HMBOX1: variants seen among roughly 807,000 people sequenced by gnomAD.
The protein encoded by HMBOX1 is homeobox-containing protein 1.
A neutral mutation model predicts 54.5 loss-of-function variants in HMBOX1; 14 were observed. The observed-to-expected ratio is 0.26, with a 90% CI of 0.17 to 0.40. The LOEUF is 0.40. Ranked by LOEUF, HMBOX1 falls within the 10% of genes least tolerant of loss-of-function variation. The probability of loss-of-function intolerance (pLI) is 1.00; values close to 1 mark genes in which losing one functional copy is unlikely to be tolerated. For missense variants in HMBOX1, 332 were observed against 514.4 expected, an observed-to-expected ratio of 0.65 and a Z score of 3.43; for synonymous variants, 160 against 181.0, an observed-to-expected ratio of 0.88 and a Z score of 0.93.
chr8:28,988,233 CGTGA>C (rs1830441732), intron 4 of HMBOX1, among the ~76,000 whole-genome samples: 1 of 152,146 alleles, frequency 6.6e-6, no homozygotes, highest in South Asian at 2.1e-4. Flanking sequence ...TTTTAAGATT[CGTGA>C]GTGTTGTTAC....
intron 4 of HMBOX1, among the ~76,000 whole-genome samples, chr8:28,983,721 G>A (rs1180903923): frequency 6.6e-6 from 1 of 152,166 alleles, no homozygotes; most frequent in Non-Finnish European, 1.5e-5. Flanking sequence ...GTGAAAATTT[G>A]TCCAGTGTGA....
At chr8:28,958,309 A>T (rs1216330167) in intron 1 of HMBOX1, among the ~76,000 whole-genome samples, 3 of 152,116 alleles carry the variant, frequency 2.0e-5, no homozygotes, top group South Asian at 4.1e-4. Flanking sequence ...AGTTTTCTAG[A>T]CATTGTATTG....
chr8:28,961,002 G>A (rs1291433945), intron 1 of HMBOX1, among the ~76,000 whole-genome samples: 1 of 151,500 alleles, frequency 6.6e-6, no homozygotes, highest in African/African-American at 2.4e-5. Flanking sequence ...GGCCAGGATG[G>A]TCTCGATCTC....
At chr8:28,982,405 G>C (rs2323134) in intron 4 of HMBOX1, among the ~76,000 whole-genome samples, 101,531 of 151,860 alleles carry the variant, frequency 0.67, 34,093 homozygotes, top group East Asian at 0.75. Context: ...TAATGGTCAT[G>C]ATGATGCCAT....
chr8:28,993,314 G>T (rs561118855), intron 4 of HMBOX1, among the ~76,000 whole-genome samples: 4 of 152,094 alleles, frequency 2.6e-5, no homozygotes, highest in African/African-American at 7.2e-5. Flanking sequence ...ACATACTCTT[G>T]TATGAGTAGG....
At chr8:29,037,520 A>T in intron 6 of HMBOX1, among the ~76,000 whole-genome samples, 1 of 152,184 alleles carries the variant, frequency 6.6e-6, no homozygotes, top group South Asian at 2.1e-4. Context: ...TACCATCCAA[A>T]GATAGTAATT....
At chr8:28,905,496 G>A (rs1321759057) in intron 1 of HMBOX1, among the ~76,000 whole-genome samples, 1 of 152,236 alleles carries the variant, frequency 6.6e-6, no homozygotes, top group Non-Finnish European at 1.5e-5. Flanking sequence ...GGACAGTGAT[G>A]ATGCCAGTTA....
intron 3 of HMBOX1, among the ~76,000 whole-genome samples, chr8:28,975,544 G>T (rs1360726457): frequency 6.6e-6 from 1 of 152,172 alleles, no homozygotes; most frequent in Non-Finnish European, 1.5e-5. Flanking sequence ...TTTCATCCTG[G>T]TGTGGAAATC....
At chr8:29,045,799 A>G (rs1308948309) in intron 7 of HMBOX1, among the ~76,000 whole-genome samples, 2 of 152,234 alleles carry the variant, frequency 1.3e-5, no homozygotes, top group African/African-American at 2.4e-5. Context: ...AGCTTTGTCA[A>G]TATAAGATTA....
At chr8:29,031,442 G>T (rs572479550) in intron 6 of HMBOX1, among the ~76,000 whole-genome samples, 2 of 151,492 alleles carry the variant, frequency 1.3e-5, no homozygotes, top group Non-Finnish European at 2.9e-5. Flanking sequence ...TTATAATAAC[G>T]TAAAAAGCCA....
intron 1 of HMBOX1, among the ~76,000 whole-genome samples, chr8:28,926,049 G>T (rs889173111): frequency 1.3e-5 from 2 of 151,878 alleles, no homozygotes; most frequent in Non-Finnish European, 2.9e-5. Context: ...ATGTAATCCT[G>T]TCACTTTGGG....
In HMBOX1 at chr8:28,973,454, T is replaced by C. The variant is rs548084777; in HGVS notation, c.500+2935T>C. Among the ~76,000 whole-genome samples the C allele has an allele frequency of 2.6e-5, 4 of 152,300 alleles. No homozygotes were observed. The South Asian group carries it at 6.2e-4, about 24-fold the overall frequency. ...ATGGGCTTCACATCCCCCTCCCCCA[T>C]GATATTTGCTGCTTCAAAACAATCA... On this transcript the variant is annotated intron_variant, in intron 3 of 9. Coordinates refer to ENST00000287701, the MANE Select transcript of HMBOX1 (RefSeq NM_001135726.3).
intron 8 of HMBOX1, 148 bp downstream of exon 8, chr8:29,047,601 C>G (rs927681266): frequency 2.0e-6 from 1 of 499,664 alleles, no homozygotes; most frequent in African/African-American, 2.2e-5. Flanking sequence ...GAGTTTCACT[C>G]TTGTTGCCCA....
At position 28,960,169 on chromosome 8, in the gene HMBOX1, T is replaced by C. The variant is rs184915274; in HGVS notation, c.-57-3642T>C. Among the ~76,000 whole-genome samples, 119 of 152,118 alleles carry C rather than the reference T, an allele frequency of 7.8e-4. No individual in the cohort carries two copies. In the Middle Eastern group the frequency reaches 0.01, roughly 13 times the overall value. ...TTTTCTAGCTTATTTTGGTGTACAG[T>C]ATTTTATTTTTCTATTTTTTAAGTA... On this transcript the variant is annotated intron_variant, in intron 1 of 9. Coordinates refer to ENST00000287701, the MANE Select transcript of HMBOX1 (RefSeq NM_001135726.3).
intron 2 of HMBOX1, among the ~76,000 whole-genome samples, chr8:28,964,423 A>G (rs1826103025): frequency 6.6e-6 from 1 of 152,154 alleles, no homozygotes; most frequent in South Asian, 2.1e-4. Flanking sequence ...AGATAGTGGT[A>G]TTGTGTTGAG....
intron 1 of HMBOX1, among the ~76,000 whole-genome samples, chr8:28,906,849 C>T (rs779852444): frequency 6.6e-6 from 1 of 152,144 alleles, no homozygotes; most frequent in Non-Finnish European, 1.5e-5. Flanking sequence ...GCCTTGGCCT[C>T]CCAAAGTGCT....
At chr8:29,034,351 A>G (rs1803492260) in intron 6 of HMBOX1, among the ~76,000 whole-genome samples, 1 of 152,222 alleles carries the variant, frequency 6.6e-6, no homozygotes, top group South Asian at 2.1e-4. Context: ...AAAAGGCCAG[A>G]TTAAGCTATG....
intron 4 of HMBOX1, among the ~76,000 whole-genome samples, chr8:28,983,214 C>CT (rs1184854231): frequency 1.3e-5 from 2 of 152,146 alleles, no homozygotes; most frequent in African/African-American, 4.8e-5. Flanking sequence ...ATTCATCTTC[C>CT]TTTGATCAGA....
intron 6 of HMBOX1, among the ~76,000 whole-genome samples, chr8:29,035,847 C>G (rs574423366): frequency 1.3e-5 from 2 of 152,140 alleles, no homozygotes; most frequent in African/African-American, 4.8e-5. Flanking sequence ...TAAGTTGGTT[C>G]GAATTTGTCA....
Sources: gnomAD v4.1 joint callset for allele counts (sites outside exome capture counted in the v4.1 genomes callset) on GRCh38, gnomAD v4.1.1 for gene constraint, MANE v1.5 for transcripts, NCBI Gene and HGNC (gene_info 2026-07-23, HGNC 2026-07-21) for gene names.